DACH1: variants seen among roughly 807,000 people sequenced by gnomAD.
DACH1 encodes dachshund family transcription factor 1, also known as dachshund homolog 1.
Under a neutral mutation model 54.2 loss-of-function variants are expected in DACH1, and 12 were observed. The ratio of observed to expected loss-of-function variants is 0.22; its 90% CI spans 0.14 to 0.36. The LOEUF is 0.36. Among genes scored for constraint, DACH1 ranks in the 10% least tolerant of loss-of-function variants. The pLI, the probability that DACH1 is intolerant of heterozygous loss-of-function variation, is 1.00. For synonymous variants in DACH1, 386 were observed against 366.2 expected, an observed-to-expected ratio of 1.05 and a Z score of -0.62; for missense variants, 805 against 929.8, an observed-to-expected ratio of 0.87 and a Z score of 1.75.
At chr13:71,810,083 A>G (rs1299999560) in intron 1 of DACH1, among the ~76,000 whole-genome samples, 2 of 152,212 alleles carry the variant, frequency 1.3e-5, no homozygotes, top group African/African-American at 4.8e-5. Flanking sequence ...TTGAAGACCA[A>G]TGTTACCAAT....
chr13:71,683,841 T>C (rs1881027571), intron 1 of DACH1, among the ~76,000 whole-genome samples: 1 of 152,092 alleles, frequency 6.6e-6, no homozygotes, highest in Admixed American at 6.6e-5. Context: ...CTATAGCCCA[T>C]ATCTTTCTCC....
intron 3 of DACH1, among the ~76,000 whole-genome samples, chr13:71,609,939 G>C (rs75513111): frequency 0.03 from 4,575 of 152,164 alleles, 96 homozygotes; most frequent in Non-Finnish European, 0.047. Flanking sequence ...TATACTTACA[G>C]AAACCCTCAA....
chr13:71,652,349 G>A (rs1878744504), intron 2 of DACH1, among the ~76,000 whole-genome samples: 1 of 151,930 alleles, frequency 6.6e-6, no homozygotes, highest in Non-Finnish European at 1.5e-5. Flanking sequence ...TCCTCTGCTT[G>A]CACATTTTTG....
intron 6 of DACH1, among the ~76,000 whole-genome samples, chr13:71,503,724 T>G (rs906120142): frequency 6.6e-6 from 1 of 152,182 alleles, no homozygotes; most frequent in Non-Finnish European, 1.5e-5. Flanking sequence ...CACGGCAGAG[T>G]GTCCAAGCAA....
chr13:71,837,118 C>T (rs746208876), intron 1 of DACH1, among the ~76,000 whole-genome samples: 1 of 151,414 alleles, frequency 6.6e-6, no homozygotes, highest in African/African-American at 2.4e-5. Context: ...GCATTATTCT[C>T]ATTTTTTAAG....
chr13:71,854,361 G>A (rs150114052), intron 1 of DACH1, among the ~76,000 whole-genome samples: 254 of 152,164 alleles, frequency 1.7e-3, no homozygotes, highest in South Asian at 3.7e-3. Context: ...ACAAGGGTAT[G>A]TAAGAAGATG....
chr13:71,556,813 C>T (rs1169528400), intron 6 of DACH1, among the ~76,000 whole-genome samples: 1 of 151,738 alleles, frequency 6.6e-6, no homozygotes, highest in Non-Finnish European at 1.5e-5. Context: ...TTGTAACTTA[C>T]CTGTTGTGTA....
chr13:71,810,433 A>G (rs567404341), intron 1 of DACH1, among the ~76,000 whole-genome samples: 2 of 152,354 alleles, frequency 1.3e-5, no homozygotes, highest in Admixed American at 1.3e-4. Flanking sequence ...AATAGTGAAC[A>G]CCTACAACAA....
chr13:71,572,811 C>T, intron 4 of DACH1, 29 bp downstream of exon 4: 1 of 1,591,996 alleles, frequency 6.3e-7, no homozygotes, highest in Non-Finnish European at 8.6e-7. Context: ...GATGAACATG[C>T]CAAAATAATT....
intron 1 of DACH1, among the ~76,000 whole-genome samples, chr13:71,831,901 C>G (rs754479590): frequency 6.6e-6 from 1 of 151,872 alleles, no homozygotes. Flanking sequence ...CGACCATGCT[C>G]TCTTTATGGT....
intron 1 of DACH1, among the ~76,000 whole-genome samples, chr13:71,825,652 G>A (rs550180889): frequency 5.3e-5 from 8 of 152,092 alleles, no homozygotes; most frequent in South Asian, 4.1e-4. Context: ...TATTAATACC[G>A]AGTAATACAC....
At chr13:71,635,771 C>T (rs934926233) in intron 2 of DACH1, among the ~76,000 whole-genome samples, 1 of 151,896 alleles carries the variant, frequency 6.6e-6, no homozygotes, top group African/African-American at 2.4e-5. Context: ...ATTACCACTG[C>T]TTTTACATTT....
intron 1 of DACH1, among the ~76,000 whole-genome samples, chr13:71,817,978 C>A (rs1888032203): frequency 6.6e-6 from 1 of 151,732 alleles, no homozygotes. Context: ...TGATGCCCCA[C>A]TAATTTTGTA....
At chr13:71,581,296 T>G (rs541114020) in intron 3 of DACH1, among the ~76,000 whole-genome samples, 1 of 152,226 alleles carries the variant, frequency 6.6e-6, no homozygotes, top group Non-Finnish European at 1.5e-5. Flanking sequence ...ATACAGAATC[T>G]CACTATTACC....
chr13:71,444,582 T>C (rs1364461612), intron 10 of DACH1, among the ~76,000 whole-genome samples: 2 of 152,252 alleles, frequency 1.3e-5, no homozygotes, highest in East Asian at 3.9e-4. Flanking sequence ...CTTAAGTCTC[T>C]GTACAATGAA....
chr13:71,739,322 A>G (rs1278796732), intron 1 of DACH1, among the ~76,000 whole-genome samples: 2 of 152,134 alleles, frequency 1.3e-5, no homozygotes, highest in African/African-American at 4.8e-5. Flanking sequence ...CGAGGCACCA[A>G]CAATATTTAA....
At chr13:71,671,651 G>C (rs539137455) in intron 2 of DACH1, among the ~76,000 whole-genome samples, 72 of 152,186 alleles carry the variant, frequency 4.7e-4, no homozygotes, top group Non-Finnish European at 9.4e-4. Flanking sequence ...AAAATTTACA[G>C]CTGATGGTTA....
chr13:71,576,676 C>A (rs1038891735), intron 3 of DACH1, among the ~76,000 whole-genome samples: 2 of 152,062 alleles, frequency 1.3e-5, no homozygotes, highest in African/African-American at 4.8e-5. Context: ...CTAATTACTG[C>A]CTTCAAAAAA....
At position 71,837,416 on chromosome 13, in the gene DACH1, T is replaced by A. The variant is rs183721097; in HGVS notation, c.848+28506A>T. 8.1e-3 allele frequency among the ~76,000 whole-genome samples: 1,200 copies of A among 149,016 alleles called. 10 individuals are homozygous for A. Among genetic ancestry groups the A allele is most frequent in the Non-Finnish European group, 0.013 (879 of 67,456 alleles). On this transcript the variant is annotated intron_variant, in intron 1 of 10. Transcript: ENST00000613252. ...GCATTTCTAAAATATGGGTTTTTTTTAACACTCTGCTGAAGTAGTGAGAGT... is the reference window on the plus strand; with the variant it reads ...GCATTTCTAAAATATGGGTTTTTTTAAACACTCTGCTGAAGTAGTGAGAGT...
Sources: allele counts gnomAD v4.1 joint callset (sites outside exome capture counted in the v4.1 genomes callset), GRCh38; gene constraint gnomAD v4.1.1; transcripts MANE v1.5; gene names NCBI Gene and HGNC (gene_info 2026-07-23, HGNC 2026-07-21).